SEMA4B: variants seen among roughly 807,000 people sequenced by gnomAD.
SEMA4B encodes the protein semaphorin-4B.
A neutral mutation model predicts 88.1 loss-of-function variants in SEMA4B; 55 were observed. That is an observed-to-expected ratio of 0.62 (90% confidence interval 0.50 to 0.78). The LOEUF (loss-of-function observed/expected upper bound fraction) is 0.78, where lower values mean the gene tolerates loss of function less well. Ranked by LOEUF, SEMA4B falls within the 30% of genes least tolerant of loss-of-function variation. SEMA4B has a pLI of 0.00. For synonymous variants in SEMA4B, 525 were observed against 473.6 expected (o/e 1.11, Z -1.41); for missense variants, 1,062 against 1,111.9 (o/e 0.96, Z 0.64).
In SEMA4B at chr15:90,225,108, C is replaced by T; in HGVS notation, c.1335C>T (p.Arg445=). Reference sequence around the variant, plus strand: ...TGCTGCTGCTGCAGCCCCAGGCTCGCTACCAGCGCGTGGCTGTACACCGCG... The same window carrying T: ...TGCTGCTGCTGCAGCCCCAGGCTCGTTACCAGCGCGTGGCTGTACACCGCG... ...SRMLLLQPQA[R]YQRVAVHRVP... The change falls in exon 10 of 14, where the codon CGC becomes CGT. Residue 445 remains arginine, a synonymous_variant. Coordinates refer to ENST00000411539, the MANE Select transcript of SEMA4B (RefSeq NM_198925.4). 1 of 1,613,716 alleles carries T rather than the reference C, an allele frequency of 6.2e-7. No homozygotes were observed. Among genetic ancestry groups the T allele is most frequent in the Non-Finnish European group, 8.5e-7 (1 of 1,179,854 alleles).
chr15:90,194,214 A>G (rs1483959615), intron 1 of SEMA4B, among the ~76,000 whole-genome samples: 1 of 152,026 alleles, frequency 6.6e-6, no homozygotes, highest in Non-Finnish European at 1.5e-5. Flanking sequence ...AGGAGGACAC[A>G]TAGCTAGTTG....
intron 1 of SEMA4B, among the ~76,000 whole-genome samples, chr15:90,207,412 C>T (rs1961048286): frequency 6.6e-6 from 1 of 152,118 alleles, no homozygotes; most frequent in South Asian, 2.1e-4. Context: ...ATCTTTTGGC[C>T]CATCCTCTAG....
In SEMA4B at chr15:90,212,268, C is replaced by T. The variant is rs1694395539; in HGVS notation, c.158-5171C>T. ...GGACAGGGCAGCCCCAGACCAGCCC[C>T]GGTCTGCCTTTTTGAAGGATGATCT... is the stretch of plus-strand genomic sequence containing the variant. On this transcript the variant is annotated intron_variant, in intron 1 of 13. Transcript: ENST00000411539. This position sits in a 1 kb window ranked among gnomAD's most constrained non-coding sequence, Gnocchi z 4.0. Among the ~76,000 whole-genome samples the T allele has an allele frequency of 6.6e-6, 1 of 152,258 alleles. No homozygotes were observed. Among genetic ancestry groups the T allele is most frequent in the East Asian group, 1.9e-4 (1 of 5,160 alleles).
At chr15:90,222,291 C>G (rs1223991593) in intron 7 of SEMA4B, among the ~76,000 whole-genome samples, 2 of 146,016 alleles carry the variant, frequency 1.4e-5, no homozygotes, top group Non-Finnish European at 3.0e-5. Flanking sequence ...TGAAAATAGC[C>G]GGGCATGGTG....
At chr15:90,214,502 A>G (rs1211958173) in intron 1 of SEMA4B, among the ~76,000 whole-genome samples, 2 of 151,786 alleles carry the variant, frequency 1.3e-5, no homozygotes, top group African/African-American at 4.8e-5. Flanking sequence ...GCGTGGTGAC[A>G]TATGCCTGTA....
chr15:90,185,293 G>A (rs1175212095), intron 1 of SEMA4B, among the ~76,000 whole-genome samples: 1 of 152,234 alleles, frequency 6.6e-6, no homozygotes, highest in Admixed American at 6.5e-5. Flanking sequence ...GGCTGGGCCC[G>A]CGTTCCCATG....
At chr15:90,226,356 T>C (rs1962172571) in intron 12 of SEMA4B, among the ~76,000 whole-genome samples, 1 of 152,034 alleles carries the variant, frequency 6.6e-6, no homozygotes, top group African/African-American at 2.4e-5. Flanking sequence ...ATTTCATTTA[T>C]CTTGTTTGGA....
At chr15:90,221,576 C>A in intron 6 of SEMA4B, 38 bp from the exon 7 acceptor site, 1 of 1,612,240 alleles carries the variant, frequency 6.2e-7, no homozygotes, top group Non-Finnish European at 8.5e-7. Context: ...CTCCAGGGTT[C>A]CTGGGCTGAC....
chr15:90,185,123 G>T, intron 1 of SEMA4B: 2 of 950,112 alleles, frequency 2.1e-6, no homozygotes, highest in Non-Finnish European at 2.5e-6. Context: ...GCCGCTGCCC[G>T]GGAGGTGGCG....
At position 90,225,002 on chromosome 15, in the gene SEMA4B, A is replaced by G. The variant is rs751505975; in HGVS notation, c.1229A>G (p.Asn410Ser). The G allele has an allele frequency of 1.2e-6, 2 of 1,613,832 alleles. No homozygotes were observed. The highest frequency in any genetic ancestry group is 1.7e-6 in the Non-Finnish European group (2 of 1,179,848). The change falls in exon 10 of 14, where the codon AAC becomes AGC. Residue 410 changes from asparagine to serine, a missense_variant. By Grantham distance (46) the Asn-to-Ser change is conservative. Transcript: ENST00000411539. ...ITNSARERKI[N>S]SSLQLPDRVL... ...AACAGTGCCCGGGAAAGGAAGATCA[A>G]CTCATCCCTGCAGCTCCCAGACCGC...
rs1961330289 is a variant in SEMA4B, at chr15:90,212,668, C to T, written c.158-4771C>T. On this transcript the variant is annotated intron_variant, in intron 1 of 13. Coordinates refer to ENST00000411539, the MANE Select transcript of SEMA4B (RefSeq NM_198925.4). The surrounding 1 kb of genome is among the most constrained non-coding windows in gnomAD (Gnocchi z 4.0). ...TACACACACACACACACACACACACCACAGGCAAGCTCAGGCAGGGTCCTT... is the reference window on the plus strand; with the variant it reads ...TACACACACACACACACACACACACTACAGGCAAGCTCAGGCAGGGTCCTT... 6.9e-6 allele frequency among the ~76,000 whole-genome samples: 1 copy of T among 144,554 alleles called. No individual in the cohort carries two copies. Among genetic ancestry groups the T allele is most frequent in the Non-Finnish European group, 1.5e-5 (1 of 65,520 alleles). The allele number at this position is 144,554 out of a possible 152,430, so 94.8% of individuals were successfully genotyped here. A position where few individuals can be genotyped will look rare whatever the true frequency, so the allele number is the denominator to read the frequency against.
chr15:90,205,184 A>G (rs1236213059), intron 1 of SEMA4B, among the ~76,000 whole-genome samples: 1 of 152,262 alleles, frequency 6.6e-6, no homozygotes, highest in African/African-American at 2.4e-5. Context: ...TGCAAACTGC[A>G]GTCAACAAAA....
chr15:90,207,871 C>T lies in SEMA4B; in HGVS notation c.157+6136C>T, dbSNP rs574322612. On this transcript the variant is annotated intron_variant, in intron 1 of 13. Transcript: ENST00000411539. ...GTGGCACACAGGAGACTGAGGCACA[C>T]ATCTCAGACAGAAGTTTGCAAACTG... 8.6e-4 allele frequency among the ~76,000 whole-genome samples: 131 copies of T among 152,332 alleles called. 3 individuals carry two copies. The South Asian group carries it at 0.022, about 25-fold the overall frequency.
chr15:90,203,947 G>T (rs1160160573), intron 1 of SEMA4B, among the ~76,000 whole-genome samples: 1 of 152,178 alleles, frequency 6.6e-6, no homozygotes, highest in Non-Finnish European at 1.5e-5. Flanking sequence ...CTATACCCTG[G>T]AGTGCCCCCT....
In SEMA4B at chr15:90,217,996, C is replaced by T. The variant is rs534549955; in HGVS notation, c.384+167C>T. 114 of 599,026 alleles carry T rather than the reference C, an allele frequency of 1.9e-4. 1 individual carries two copies. The highest frequency in any genetic ancestry group is 2.2e-4 in the Non-Finnish European group (75 of 335,434). The allele number at this position is 599,026 out of a possible 1,614,324, so 37.1% of individuals were successfully genotyped here. ...GGTTTGAATCCCAGCACTACACTTA[C>T]ATCGCTACGACCTTCGACAAGTAGA... On this transcript the variant is annotated intron_variant, in intron 3 of 13. Transcript: ENST00000411539.
chr15:90,220,493 G>A lies in SEMA4B; in HGVS notation c.484-489G>A, dbSNP rs569179853. Among the ~76,000 whole-genome samples the A allele has an allele frequency of 3.4e-5, 5 of 147,138 alleles. No homozygotes were observed. The East Asian group carries it at 6.3e-4, about 19-fold the overall frequency. ...CGCCATTCTCCTGCCTCAGCCTCCC[G>A]AGTAGCTGGGACTACAGGTGCCCGC... On this transcript the variant is annotated intron_variant, in intron 4 of 13. Transcript: ENST00000411539.
chr15:90,196,708 C>T (rs1242498534), upstream of SEMA4B, among the ~76,000 whole-genome samples: 3 of 151,952 alleles, frequency 2.0e-5, no homozygotes, highest in Non-Finnish European at 4.4e-5. Context: ...AGGATGGTCT[C>T]GATCTCCTGA....
At chr15:90,196,740 G>A (rs2151588193), upstream of SEMA4B, among the ~76,000 whole-genome samples, 1 of 152,278 alleles carries the variant, frequency 6.6e-6, no homozygotes, top group South Asian at 2.1e-4. Flanking sequence ...GCCCGCCTCA[G>A]CCTCCCAAAG....
chr15:90,225,426 G>C, intron 11 of SEMA4B, 29 bp downstream of exon 11: 1 of 1,538,838 alleles, frequency 6.5e-7, no homozygotes, highest in Non-Finnish European at 8.8e-7. Context: ...AATCCTGGCA[G>C]GGTACTTGGG....
Sources: gnomAD v4.1 joint callset for allele counts (sites outside exome capture counted in the v4.1 genomes callset) on GRCh38, gnomAD v4.1.1 for gene constraint, Gnocchi (gnomAD v3.1) non-coding constraint, MANE v1.5 for transcripts, NCBI Gene and HGNC (gene_info 2026-07-23, HGNC 2026-07-21) for gene names.